Variants in CSF2RA observed in about 807,000 individuals in gnomAD.
CSF2RA encodes colony stimulating factor 2 receptor subunit alpha.
A neutral mutation model predicts 51.6 loss-of-function variants in CSF2RA; 42 were observed. The observed-to-expected ratio is 0.81, with a 90% confidence interval of 0.64 to 1.05. The LOEUF (loss-of-function observed/expected upper bound fraction) is 1.05. CSF2RA is among the 50% of genes least tolerant of loss of function. The probability of loss-of-function intolerance (pLI) is 0.00; values close to 1 mark genes in which losing one functional copy is unlikely to be tolerated. For synonymous variants in CSF2RA, 222 were observed against 193.0 expected, an observed-to-expected ratio of 1.15 and a Z score of -1.24; for missense variants, 530 against 501.1, an observed-to-expected ratio of 1.06 and a Z score of -0.55.
At chrX:1,312,360 C>G (rs2084227009), downstream of CSF2RA, among the ~76,000 whole-genome samples, 2 of 152,176 alleles carry the variant, frequency 1.3e-5, no homozygotes. Context: ...AATGTGTCCA[C>G]AGCATGCTTA....
intron 7 of CSF2RA, among the ~76,000 whole-genome samples, chrX:1,292,915 G>T (rs747560053): frequency 2.6e-5 from 4 of 152,106 alleles, no homozygotes; most frequent in Non-Finnish European, 5.9e-5. Flanking sequence ...CTGTCTCAGT[G>T]GGGGGAACCC....
chrX:1,288,445 G>A, intron 4 of CSF2RA, 74 bp from the exon 5 acceptor site: 2 of 1,599,686 alleles, frequency 1.3e-6, no homozygotes, highest in Non-Finnish European at 1.7e-6. Flanking sequence ...TCACGCCACT[G>A]CACTCCAGCC....
chrX:1,294,429 G>C lies in CSF2RA; in HGVS notation c.748G>C (p.Asp250His). 1.2e-6 allele frequency: 2 copies of C among 1,613,944 alleles called. No individual in the cohort carries two copies. Among genetic ancestry groups the C allele is most frequent in the Middle Eastern group, 1.7e-4 (1 of 6,042 alleles). The change falls in exon 8 of 13, where the codon GAC becomes CAC. Residue 250 changes from aspartate to histidine, a missense_variant. Physicochemically the swap from Asp to His is moderately conservative, Grantham distance 81 (BLOSUM62 -1). Coordinates refer to ENST00000381529, the MANE Select transcript of CSF2RA (RefSeq NM_172245.4). Reference sequence around the variant, plus strand: ...GACCTATCAGAAGCTGTCGTACCTGGACTTTCAGTACCAGCTGGACGTCCA... The same window carrying C: ...GACCTATCAGAAGCTGTCGTACCTGCACTTTCAGTACCAGCTGGACGTCCA... ...PRTYQKLSYLDFQYQLDVHRK... is the reference protein window; with the variant it reads ...PRTYQKLSYLHFQYQLDVHRK...
In CSF2RA at chrX:1,294,001, C is replaced by G; in HGVS notation, c.647-327C>G. Reference sequence around the variant, plus strand: ...GACCCAGTGTAGATGGGAGGAGACCCTGCCCCACCTCCACCTGGACCCAGT... The same window carrying G: ...GACCCAGTGTAGATGGGAGGAGACCGTGCCCCACCTCCACCTGGACCCAGT... On this transcript the variant is annotated intron_variant, in intron 7 of 12. Transcript: ENST00000381529. 2 of 285,536 alleles carry G rather than the reference C, an allele frequency of 7.0e-6. 1 individual carries two copies. Among genetic ancestry groups the G allele is most frequent in the Non-Finnish European group, 1.3e-5 (2 of 150,214 alleles). The allele number at this position is 285,536 out of a possible 1,614,324, so 17.7% of individuals were successfully genotyped here. A position where few individuals can be genotyped will look rare whatever the true frequency, so the allele number is the denominator to read the frequency against.
intron 6 of CSF2RA, 59 bp downstream of exon 6, chrX:1,288,947 T>C (rs1388710304): frequency 6.2e-7 from 1 of 1,605,862 alleles, no homozygotes; most frequent in Non-Finnish European, 8.5e-7. Flanking sequence ...GAAAAAATCA[T>C]GCTGGTTTTC....
intron 2 of CSF2RA, among the ~76,000 whole-genome samples, chrX:1,275,750 G>A (rs1292891864): frequency 2.0e-5 from 3 of 151,702 alleles, no homozygotes; most frequent in African/African-American, 7.3e-5. Flanking sequence ...AGTAGAGAAG[G>A]GGTTTCACCG....
In CSF2RA at chrX:1,285,760, A is replaced by G. The variant is rs746297908; in HGVS notation, c.77-18A>G. On this transcript the variant is annotated intron_variant, in intron 3 of 12. Coordinates refer to ENST00000381529, the MANE Select transcript of CSF2RA (RefSeq NM_172245.4). ...AAAGAAAAGAGGAAATTCTGAACCC[A>G]GTGCCCGCTCCTTGCAGATCTGCGA... 4.4e-6 allele frequency: 7 copies of G among 1,575,610 alleles called. No homozygotes were observed. The Admixed American group carries it at 8.5e-5, about 19-fold the overall frequency.
At chrX:1,316,058 C>A in the CSF2RA span, among the ~76,000 whole-genome samples, 42 of 52,874 alleles carry the variant, frequency 7.9e-4, no homozygotes, top group South Asian at 1.9e-3. Context: ...ATAGATAGAT[C>A]AATAGATAGA....
rs376865463 is a variant in CSF2RA, at chrX:1,300,662, G to A, written c.946+36G>A. ...GGCGGAGGTAAGGGATGTTTGTGCC[G>A]TCTGCGGCCACCCTGCAGCAGGCAC... On this transcript the variant is annotated intron_variant, in intron 10 of 12. Transcript: ENST00000381529. 4.1e-5 allele frequency: 66 copies of A among 1,613,664 alleles called. No homozygotes were observed. The East Asian group carries it at 4.7e-4, about 11-fold the overall frequency.
At chrX:1,320,664 A>ATTTTTTTTT in the CSF2RA span, among the ~76,000 whole-genome samples, 8 of 123,376 alleles carry the variant, frequency 6.5e-5, no homozygotes, top group Non-Finnish European at 6.8e-5. Context: ...TGCCCAGCTA[A>ATTTTTTTTT]TTTTTTTTTT....
At chrX:1,315,494 C>A in the CSF2RA span, among the ~76,000 whole-genome samples, 1 of 152,098 alleles carries the variant, frequency 6.6e-6, no homozygotes, top group Non-Finnish European at 1.5e-5. Context: ...ACCTCCGCCT[C>A]CCAGGTTCAA....
chrX:1,292,253 A>AG (rs1432898856), intron 7 of CSF2RA, among the ~76,000 whole-genome samples: 4 of 152,168 alleles, frequency 2.6e-5, no homozygotes, highest in Non-Finnish European at 4.4e-5. Context: ...TGTAGACAGG[A>AG]GGAGACCCTG....
At chrX:1,270,318 C>T (rs1195242918) in intron 1 of CSF2RA, among the ~76,000 whole-genome samples, 1 of 151,982 alleles carries the variant, frequency 6.6e-6, no homozygotes, top group African/African-American at 2.4e-5. Flanking sequence ...CAGCTGACTG[C>T]TGTCTTGAAT....
chrX:1,293,070 A>G (rs1290007755), intron 7 of CSF2RA, among the ~76,000 whole-genome samples: 2 of 152,180 alleles, frequency 1.3e-5, no homozygotes, highest in Non-Finnish European at 2.9e-5. Flanking sequence ...GACACAGCAC[A>G]TGTTTCTGTG....
chrX:1,289,544 T>C (rs1444266662), intron 6 of CSF2RA, among the ~76,000 whole-genome samples: 1 of 150,152 alleles, frequency 6.7e-6, no homozygotes, highest in East Asian at 1.9e-4. Flanking sequence ...TTTTCTTTTG[T>C]TTTTGTGTTT....
At chrX:1,318,625 A>G in the CSF2RA span, among the ~76,000 whole-genome samples, 10 of 149,096 alleles carry the variant, frequency 6.7e-5, no homozygotes, top group African/African-American at 2.5e-4. Flanking sequence ...TGGGAAGACA[A>G]TTGCAAAGCT....
downstream of CSF2RA, among the ~76,000 whole-genome samples, chrX:1,311,496 C>T (rs1406915744): frequency 1.3e-5 from 2 of 151,308 alleles, no homozygotes; most frequent in Non-Finnish European, 2.9e-5. Context: ...TGCAGTGGCA[C>T]AATCTCTGCT....
rs533334382 is a variant in CSF2RA at position 1,303,629 on chromosome X, G to A, written c.947-294G>A. On this transcript the variant is annotated intron_variant, in intron 10 of 12. Transcript: ENST00000381529. ...AACCTCAGGTGATCCTCCCGTGTCG[G>A]CCTCCCAAAGTGCTGGGATGACAGG... Among the ~76,000 whole-genome samples, 484 of 152,250 alleles carry A rather than the reference G, an allele frequency of 3.2e-3. 3 individuals are homozygous for A. Among genetic ancestry groups the A allele is most frequent in the African/African-American group, 0.011 (462 of 41,564 alleles).
intron 12 of CSF2RA, among the ~76,000 whole-genome samples, chrX:1,306,339 A>G (rs1270739294): frequency 3.3e-5 from 5 of 151,868 alleles, no homozygotes; most frequent in Non-Finnish European, 5.9e-5. Context: ...AGACAGATAA[A>G]CAACAAACAT....
Sources: allele counts gnomAD v4.1 joint callset (sites outside exome capture counted in the v4.1 genomes callset), GRCh38; gene constraint gnomAD v4.1.1; transcripts MANE v1.5; gene names NCBI Gene and HGNC (gene_info 2026-07-23, HGNC 2026-07-21).